ATP11A: variants seen among roughly 807,000 people sequenced by gnomAD.
ATP11A encodes phospholipid-transporting ATPase IH.
Under a neutral mutation model 154.4 loss-of-function variants are expected in ATP11A, and 81 were observed. The ratio of observed to expected loss-of-function variants is 0.52; its 90% CI spans 0.44 to 0.63. The LOEUF (loss-of-function observed/expected upper bound fraction) is 0.63, where lower values mean the gene tolerates loss of function less well. Among genes scored for constraint, ATP11A ranks in the 30% least tolerant of loss-of-function variants. The pLI is 0.00. For missense variants in ATP11A, 1,316 were observed against 1,474.3 expected, an observed-to-expected ratio of 0.89 and a Z score of 1.76; for synonymous variants, 623 against 585.9, an observed-to-expected ratio of 1.06 and a Z score of -0.91.
chr13:112,867,636 TC>T (rs1435057257), intron 25 of ATP11A, among the ~76,000 whole-genome samples: 1 of 152,218 alleles, frequency 6.6e-6, no homozygotes, highest in East Asian at 1.9e-4. Flanking sequence ...TCTGCTGCCT[TC>T]CTGGGATCCG....
At position 112,873,598 on chromosome 13, in the gene ATP11A, C is replaced by T; in HGVS notation, c.3083C>T (p.Thr1028Ile). The change falls in exon 27 of 30, where the codon ACT (threonine) becomes ATT (isoleucine). Residue 1028 changes from threonine to isoleucine, a missense_variant. Thr to Ile is a moderately conservative substitution (Grantham distance 89). Around this residue, in one of 5 missense-constraint regions of ATP11A, gnomAD observed 294 missense variants for 290.2 expected, o/e 1.01. Coordinates refer to ENST00000375645, the MANE Select transcript of ATP11A (RefSeq NM_015205.3). ...LKLALDTHYW[T>I]WINHFVIWGS... ...CTTGCATTGGACACACACTACTGGA[C>T]TTGGATCAACCATTTTGTCATCTGG... 6.2e-7 allele frequency: 1 copy of T among 1,612,314 alleles called. No homozygotes were observed. Among genetic ancestry groups the T allele is most frequent in the Non-Finnish European group, 8.5e-7 (1 of 1,179,554 alleles).
rs980645013 is a variant in ATP11A at position 112,737,797 on chromosome 13, T to C, written c.40-47338T>C. Among the ~76,000 whole-genome samples the C allele has an allele frequency of 2.0e-5, 3 of 152,162 alleles. No homozygotes were observed. In the South Asian group the frequency reaches 6.2e-4, roughly 32 times the overall value. On this transcript the variant is annotated intron_variant, in intron 1 of 29. Transcript: ENST00000375645. ...CTCAGGTGGAAGCAGCTCCGTGTCT[T>C]GGATTGACAAACACAGGTTTGCTGC...
At chr13:112,828,814 C>T (rs893195808) in intron 12 of ATP11A, among the ~76,000 whole-genome samples, 2 of 152,184 alleles carry the variant, frequency 1.3e-5, no homozygotes, top group African/African-American at 4.8e-5. Flanking sequence ...TGGACAAGCC[C>T]AAAAGGCAGG....
At chr13:112,878,119 T>C in intron 28 of ATP11A, 98 bp from the exon 29 acceptor site, 1 of 1,133,354 alleles carries the variant, frequency 8.8e-7, no homozygotes, top group South Asian at 1.2e-5. Context: ...TTGTTTCTCT[T>C]TCCTTCCCAT....
intron 2 of ATP11A, among the ~76,000 whole-genome samples, chr13:112,796,736 A>G (rs1462290359): frequency 6.6e-6 from 1 of 152,246 alleles, no homozygotes; most frequent in Non-Finnish European, 1.5e-5. Flanking sequence ...GATTTATAAT[A>G]CAGACTGTAC....
rs1226611406 is a variant in ATP11A, at chr13:112,807,610, T to C, written c.333+1317T>C. Among the ~76,000 whole-genome samples, 1 of 152,082 alleles carries C rather than the reference T, an allele frequency of 6.6e-6. No homozygotes were observed. Among genetic ancestry groups the C allele is most frequent in the African/African-American group, 2.4e-5 (1 of 41,396 alleles). On this transcript the variant is annotated intron_variant, in intron 4 of 29. Coordinates refer to ENST00000375645, the MANE Select transcript of ATP11A (RefSeq NM_015205.3). This position sits in a 1 kb window ranked among gnomAD's most constrained non-coding sequence, Gnocchi z 4.5. ...GTGGCAGGCTCTTGCAAACTTCAAC[T>C]TTAAGCAAAACGATGGGTTTTCTCA...
In ATP11A at chr13:112,738,551, G is replaced by A. The variant is rs149634989; in HGVS notation, c.40-46584G>A. On this transcript the variant is annotated intron_variant, in intron 1 of 29. Transcript: ENST00000375645. Reference sequence around the variant, plus strand: ...TGTTTCTTCTCACCAGAGCAGTGCCGCAGATAAGCCGACTGGCTTCATGCA... The same window carrying A: ...TGTTTCTTCTCACCAGAGCAGTGCCACAGATAAGCCGACTGGCTTCATGCA... 2.5e-4 allele frequency among the ~76,000 whole-genome samples: 38 copies of A among 152,292 alleles called. No homozygotes were observed. The East Asian group carries it at 6.2e-3, about 25-fold the overall frequency.
chr13:112,701,045 C>CCT (rs1886462266), intron 1 of ATP11A, among the ~76,000 whole-genome samples: 1 of 152,190 alleles, frequency 6.6e-6, no homozygotes, highest in Admixed American at 6.5e-5. Flanking sequence ...GTCGCTGCGG[C>CCT]CCTTTCAGGA....
At chr13:112,704,838 G>A (rs184726697) in intron 1 of ATP11A, among the ~76,000 whole-genome samples, 93 of 152,370 alleles carry the variant, frequency 6.1e-4, no homozygotes, top group African/African-American at 2.1e-3. Context: ...ATGAGGTCCT[G>A]CCAGTAGAAT....
chr13:112,771,866 G>A (rs2077232643), intron 1 of ATP11A, among the ~76,000 whole-genome samples: 2 of 152,196 alleles, frequency 1.3e-5, no homozygotes, highest in Non-Finnish European at 2.9e-5. Flanking sequence ...GAGAAAAAGG[G>A]AGATAGGAGG....
At position 112,774,567 on chromosome 13, in the gene ATP11A, G is replaced by T. The variant is rs141053618; in HGVS notation, c.40-10568G>T. Among the ~76,000 whole-genome samples the T allele has an allele frequency of 4.4e-3, 670 of 152,348 alleles. 7 individuals carry two copies. Among genetic ancestry groups the T allele is most frequent in the African/African-American group, 0.015 (626 of 41,580 alleles). On this transcript the variant is annotated intron_variant, in intron 1 of 29. Coordinates refer to ENST00000375645, the MANE Select transcript of ATP11A (RefSeq NM_015205.3). ...TGTGCTGCACCCACTCACAAAAGAC[G>T]TGTACCAGATCACAGTTGCGGCTCA...
At chr13:112,869,939 C>T (rs1324950780) in intron 25 of ATP11A, among the ~76,000 whole-genome samples, 3 of 152,208 alleles carry the variant, frequency 2.0e-5, no homozygotes, top group Non-Finnish European at 2.9e-5. Context: ...TGTACATCCT[C>T]GTGGGCCACT....
intron 5 of ATP11A, 109 bp from the exon 6 acceptor site, chr13:112,815,974 C>T (rs1010167173): frequency 1.0e-5 from 15 of 1,464,380 alleles, no homozygotes; most frequent in African/African-American, 1.4e-5. Context: ...TCCACATCCC[C>T]GTGTCTTCCT....
Position 112,884,525 on chromosome 13 carries a change from G to A in ATP11A, c.*2659G>A, listed in dbSNP as rs1212987265. 3 of 152,186 alleles carry A rather than the reference G, an allele frequency of 2.0e-5. No homozygotes were observed. Among genetic ancestry groups the A allele is most frequent in the Non-Finnish European group, 4.4e-5 (3 of 68,034 alleles). The allele number at this position is 152,186 out of a possible 1,614,324, so 9.4% of individuals were successfully genotyped here. On this transcript the variant is annotated 3_prime_UTR_variant, in exon 30 of 30. Transcript: ENST00000375645. The stretch of plus-strand genomic sequence containing the variant: ...AAGGGGCACGAGATAAAAAAGAAAA[G>A]GATGAGAAGATCCTCAGTGAATGAC...
intron 1 of ATP11A, among the ~76,000 whole-genome samples, chr13:112,711,919 G>C (rs1466736344): frequency 2.6e-5 from 4 of 152,172 alleles, no homozygotes; most frequent in African/African-American, 7.2e-5. Context: ...TAGATAAGGA[G>C]CGGGTGGAGG....
In ATP11A at chr13:112,830,421, C is replaced by T. The variant is rs548616224; in HGVS notation, c.1222-954C>T. Among the ~76,000 whole-genome samples, 165 of 152,094 alleles carry T rather than the reference C, an allele frequency of 1.1e-3. 2 individuals carry two copies. In the Middle Eastern group the frequency reaches 0.044, roughly 41 times the overall value. ...GAAACTCCCATCTCTACTAAAAATA[C>T]AAAAATTAGCCAGACGTGGTGGCAG... On this transcript the variant is annotated intron_variant, in intron 12 of 29. Coordinates refer to ENST00000375645, the MANE Select transcript of ATP11A (RefSeq NM_015205.3).
At chr13:112,843,258 G>A (rs1009129865) in intron 17 of ATP11A, among the ~76,000 whole-genome samples, 2 of 151,536 alleles carry the variant, frequency 1.3e-5, no homozygotes, top group Admixed American at 6.6e-5. Flanking sequence ...CCTGTCAGAC[G>A]TCCTAAAGCT....
chr13:112,842,042 C>T (rs943473763), intron 16 of ATP11A, among the ~76,000 whole-genome samples: 8 of 152,240 alleles, frequency 5.3e-5, no homozygotes, highest in South Asian at 2.1e-4. Context: ...TTCTTTTCCT[C>T]GTTCCTGCCT....
In ATP11A at chr13:112,732,140, C is replaced by A. The variant is rs576781053; in HGVS notation, c.39+41685C>A. ...TTTAGGGACGTGGCAATAACTGCGT[C>A]CCAAGCAGCTCCTCCATTCAGGGCC... On this transcript the variant is annotated intron_variant, in intron 1 of 29. Coordinates refer to ENST00000375645, the MANE Select transcript of ATP11A (RefSeq NM_015205.3). 2.0e-5 allele frequency among the ~76,000 whole-genome samples: 3 copies of A among 152,230 alleles called. No individual in the cohort carries two copies. In the South Asian group the frequency reaches 6.2e-4, roughly 32 times the overall value.
Sources: allele counts gnomAD v4.1 joint callset (sites outside exome capture counted in the v4.1 genomes callset), GRCh38; gene constraint gnomAD v4.1.1; regional missense constraint gnomAD v4.1.1; non-coding constraint Gnocchi (gnomAD v3.1); transcripts MANE v1.5; gene names NCBI Gene and HGNC (gene_info 2026-07-23, HGNC 2026-07-21).